Variants in BTF3L4 observed in about 807,000 individuals in gnomAD.
The protein encoded by BTF3L4 is transcription factor BTF3 homolog 4.
BTF3L4 carries 6 observed loss-of-function variants against 16.8 expected under a neutral mutation model. The observed-to-expected ratio is 0.36, with a 90% confidence interval of 0.20 to 0.71. The LOEUF is 0.71. Among genes scored for constraint, BTF3L4 ranks in the 30% least tolerant of loss-of-function variants. The pLI is 0.58. For missense variants in BTF3L4, 92 were observed against 186.9 expected (o/e 0.49, Z 2.96); for synonymous variants, 39 against 59.8 (o/e 0.65, Z 1.60).
rs1465614201 is a variant in BTF3L4, at chr1:52,056,299, C to T, written c.-94C>T. 1.9e-5 allele frequency: 3 copies of T among 156,628 alleles called. No individual in the cohort carries two copies. Among genetic ancestry groups the T allele is most frequent in the Non-Finnish European group, 2.8e-5 (2 of 70,802 alleles). 9.7% of individuals were successfully genotyped at this position (156,628 alleles called of 1,614,324 possible). A position where few individuals can be genotyped will look rare whatever the true frequency, so the allele number is the denominator to read the frequency against. On this transcript the variant is annotated 5_prime_UTR_variant, in exon 1 of 6. Coordinates refer to ENST00000313334, the MANE Select transcript of BTF3L4 (RefSeq NM_152265.5). ...TCTGCTCCCGCCGCCGCCGCCGCCG[C>T]CGTCGTCTTTCTCTGTCTCGGCTGA...
intron 1 of BTF3L4, among the ~76,000 whole-genome samples, chr1:52,057,373 C>T (rs1238121756): frequency 6.6e-6 from 1 of 152,170 alleles, no homozygotes; most frequent in Admixed American, 6.5e-5. Context: ...GCTAAAAGAT[C>T]CTGGAATCCC....
intron 2 of BTF3L4, 144 bp from the exon 3 acceptor site, chr1:52,064,681 T>A (rs1319428659): frequency 1.0e-5 from 5 of 495,726 alleles, no homozygotes; most frequent in Admixed American, 8.0e-5. Flanking sequence ...AATCACAACC[T>A]CTGAGAAGTC....
intron 3 of BTF3L4, among the ~76,000 whole-genome samples, chr1:52,076,234 C>T (rs1453203401): frequency 2.6e-5 from 4 of 151,964 alleles, no homozygotes; most frequent in Admixed American, 2.6e-4. Context: ...AGAGATAGCA[C>T]CACTGCATTC....
At chr1:52,081,012 G>T (rs1043776578) in intron 3 of BTF3L4, among the ~76,000 whole-genome samples, 10 of 151,240 alleles carry the variant, frequency 6.6e-5, no homozygotes, top group African/African-American at 2.4e-4. Flanking sequence ...GCTAATTTTT[G>T]TATTTTTAGT....
chr1:52,058,941 G>A (rs1259409905), intron 1 of BTF3L4, among the ~76,000 whole-genome samples: 1 of 152,120 alleles, frequency 6.6e-6, no homozygotes, highest in Non-Finnish European at 1.5e-5. Context: ...GGAATGTGAT[G>A]ACCCATTATA....
chr1:52,059,827 C>T lies in BTF3L4; in HGVS notation c.-13-8C>T, dbSNP rs776492742. On this transcript the variant is annotated splice_polypyrimidine_tract_variant and splice_region_variant and intron_variant, in intron 1 of 5. Transcript: ENST00000313334. ...GTGACTTTAACAAATCTATTTTTCC[C>T]CCCCTAGATTTACCAACAGCATGAA... The T allele has an allele frequency of 1.9e-6, 3 of 1,612,294 alleles. No individual in the cohort carries two copies. Among genetic ancestry groups the T allele is most frequent in the Admixed American group, 1.7e-5 (1 of 59,830 alleles).
At chr1:52,060,369 C>T (rs1686479145) in intron 2 of BTF3L4, 1 of 859,996 alleles carries the variant, frequency 1.2e-6, no homozygotes, top group Non-Finnish European at 1.6e-6. Context: ...ATGTTACCTA[C>T]TTGTACAGAG....
intron 3 of BTF3L4, among the ~76,000 whole-genome samples, chr1:52,082,738 CA>C (rs35173948): frequency 0.81 from 114,450 of 141,060 alleles, 46,902 homozygotes; most frequent in Non-Finnish European, 0.89. Context: ...GATTCTGTCT[CA>C]AAAAAAAAAA....
chr1:52,080,838 T>C (rs1432993170), intron 3 of BTF3L4, among the ~76,000 whole-genome samples: 7 of 4,370 alleles, frequency 1.6e-3, no homozygotes, highest in Non-Finnish European at 3.6e-3. Flanking sequence ...TCGGCCTTCT[T>C]TTTTTTTTTT....
At chr1:52,075,130 G>T (rs141249168) in intron 3 of BTF3L4, among the ~76,000 whole-genome samples, 1 of 151,942 alleles carries the variant, frequency 6.6e-6, no homozygotes, top group Non-Finnish European at 1.5e-5. Context: ...TTTTAATCAT[G>T]TGTAGGTATC....
At chr1:52,062,490 G>A (rs773011641) in intron 2 of BTF3L4, among the ~76,000 whole-genome samples, 4 of 152,034 alleles carry the variant, frequency 2.6e-5, no homozygotes, top group African/African-American at 4.8e-5. Context: ...GTGAGCCACC[G>A]CGCTCGGCCG....
At chr1:52,069,346 T>C (rs573171452) in intron 3 of BTF3L4, among the ~76,000 whole-genome samples, 28 of 152,128 alleles carry the variant, frequency 1.8e-4, no homozygotes, top group Admixed American at 3.9e-4. Flanking sequence ...TTTGGGAACA[T>C]CTAGTATACT....
intron 3 of BTF3L4, among the ~76,000 whole-genome samples, chr1:52,070,654 G>T (rs1346775544): frequency 4.9e-5 from 7 of 143,388 alleles, no homozygotes; most frequent in African/African-American, 7.9e-5. Context: ...TTTTTTTGGT[G>T]GGGGGATGGT....
At chr1:52,065,751 TAGTC>T (rs1301315228) in intron 3 of BTF3L4, among the ~76,000 whole-genome samples, 10 of 152,202 alleles carry the variant, frequency 6.6e-5, no homozygotes, top group South Asian at 2.1e-4. Context: ...TAAAATGTAT[TAGTC>T]AGCCGGGTGC....
chr1:52,074,810 G>T (rs1686890112), intron 3 of BTF3L4, among the ~76,000 whole-genome samples: 1 of 152,016 alleles, frequency 6.6e-6, no homozygotes. Flanking sequence ...CGTCCGGCTT[G>T]TTTTTGTTTT....
chr1:52,085,450 C>A (rs1295378103), intron 4 of BTF3L4, among the ~76,000 whole-genome samples: 3 of 151,564 alleles, frequency 2.0e-5, no homozygotes, highest in African/African-American at 4.9e-5. Context: ...GTGTGAACCA[C>A]CATACCTGGC....
chr1:52,058,453 CAG>C (rs1445559892), intron 1 of BTF3L4, among the ~76,000 whole-genome samples: 2 of 151,956 alleles, frequency 1.3e-5, no homozygotes, highest in African/African-American at 2.4e-5. Context: ...ATGAAGCAAA[CAG>C]TATTTTTTTC....
intron 3 of BTF3L4, among the ~76,000 whole-genome samples, chr1:52,072,779 G>A (rs982425627): frequency 9.2e-5 from 14 of 152,138 alleles, no homozygotes; most frequent in Admixed American, 2.6e-4. Context: ...ATATATTGCC[G>A]GATGAGTGCA....
chr1:52,084,473 ACTG>A (rs1042520230), intron 4 of BTF3L4, among the ~76,000 whole-genome samples: 7 of 151,988 alleles, frequency 4.6e-5, no homozygotes, highest in Admixed American at 4.6e-4. Flanking sequence ...TTTGATATTC[ACTG>A]CTAATTAATG....
Sources: gnomAD v4.1 joint callset for allele counts (sites outside exome capture counted in the v4.1 genomes callset) on GRCh38, gnomAD v4.1.1 for gene constraint, MANE v1.5 for transcripts, NCBI Gene and HGNC (gene_info 2026-07-23, HGNC 2026-07-21) for gene names.